RSRC1: variants seen among roughly 807,000 people sequenced by gnomAD.
The protein encoded by RSRC1 is serine/Arginine-related protein 53.
Under a neutral mutation model 49.1 loss-of-function variants are expected in RSRC1, and 39 were observed. That is an observed-to-expected ratio of 0.79 (90% CI 0.61 to 1.04). RSRC1 has a LOEUF of 1.04. Ranked by LOEUF, RSRC1 falls within the 50% of genes least tolerant of loss-of-function variation. The probability of loss-of-function intolerance (pLI) is 0.00; values close to 1 mark genes in which losing one functional copy is unlikely to be tolerated. For synonymous variants in RSRC1, 143 were observed against 130.8 expected, an observed-to-expected ratio of 1.09 and a Z score of -0.63; for missense variants, 388 against 402.4, an observed-to-expected ratio of 0.96 and a Z score of 0.31.
chr3:158,344,144 A>G (rs1344056374), intron 5 of RSRC1, among the ~76,000 whole-genome samples: 8 of 152,198 alleles, frequency 5.3e-5, no homozygotes, highest in Admixed American at 5.2e-4. Flanking sequence ...CTGTAATCCT[A>G]GCTACTTGGA....
At chr3:158,229,144 A>ACG (rs1722751488) in intron 4 of RSRC1, among the ~76,000 whole-genome samples, 2 of 148,564 alleles carry the variant, frequency 1.3e-5, no homozygotes, top group African/African-American at 2.5e-5. Context: ...GTATATAAAC[A>ACG]TACATACGTG....
chr3:158,408,092 G>T (rs144233166), intron 6 of RSRC1, among the ~76,000 whole-genome samples: 1 of 152,158 alleles, frequency 6.6e-6, no homozygotes, highest in Non-Finnish European at 1.5e-5. Context: ...GTCAGGGAAT[G>T]ATATACAGTG....
intron 4 of RSRC1, among the ~76,000 whole-genome samples, chr3:158,272,023 CAT>C (rs2108056773): frequency 6.6e-6 from 1 of 152,180 alleles, no homozygotes; most frequent in Non-Finnish European, 1.5e-5. Context: ...GCACTTTTCT[CAT>C]ATGCCAATTT....
chr3:158,289,806 G>A (rs1285594063), intron 4 of RSRC1, among the ~76,000 whole-genome samples: 1 of 152,086 alleles, frequency 6.6e-6, no homozygotes, highest in African/African-American at 2.4e-5. Context: ...AATTATTTTT[G>A]CTTGCTTTTC....
chr3:158,375,877 G>A (rs55964653), intron 6 of RSRC1, among the ~76,000 whole-genome samples: 65,202 of 151,872 alleles, frequency 0.43, 14,844 homozygotes, highest in South Asian at 0.6. Context: ...TTTAATGAGC[G>A]TCTTTCATAT....
At chr3:158,269,211 G>A (rs1261092574) in intron 4 of RSRC1, among the ~76,000 whole-genome samples, 2 of 151,764 alleles carry the variant, frequency 1.3e-5, no homozygotes, top group Non-Finnish European at 2.9e-5. Flanking sequence ...TGGTTTTTAG[G>A]ACCTCTTCAT....
At chr3:158,170,636 C>A (rs978617727) in intron 3 of RSRC1, among the ~76,000 whole-genome samples, 1 of 152,094 alleles carries the variant, frequency 6.6e-6, no homozygotes, top group Non-Finnish European at 1.5e-5. Context: ...CTTTGCTGTC[C>A]TGGATTTGAC....
intron 5 of RSRC1, among the ~76,000 whole-genome samples, chr3:158,354,289 G>A (rs1731044147): frequency 1.3e-5 from 2 of 152,010 alleles, no homozygotes; most frequent in Non-Finnish European, 2.9e-5. Context: ...GCGTCCGGCT[G>A]GAAATTAGTT....
chr3:158,509,475 C>T (rs1009948842), intron 7 of RSRC1, among the ~76,000 whole-genome samples: 5 of 152,090 alleles, frequency 3.3e-5, no homozygotes, highest in Non-Finnish European at 7.4e-5. Flanking sequence ...TTCACCACAT[C>T]TGTATATATT....
intron 6 of RSRC1, among the ~76,000 whole-genome samples, chr3:158,443,768 G>A (rs1736515881): frequency 6.6e-6 from 1 of 152,134 alleles, no homozygotes; most frequent in Admixed American, 6.6e-5. Context: ...CTTTTGACAT[G>A]CGTTCTCACT....
At chr3:158,525,850 G>C (rs1399372470) in intron 7 of RSRC1, among the ~76,000 whole-genome samples, 1 of 151,908 alleles carries the variant, frequency 6.6e-6, no homozygotes, top group Non-Finnish European at 1.5e-5. Context: ...TAAAGTGGCA[G>C]GAAGCAGATC....
chr3:158,336,470 T>C (rs77260347), intron 5 of RSRC1: 2,924 of 160,600 alleles, frequency 0.018, 77 homozygotes, highest in African/African-American at 0.067. Flanking sequence ...AGACCACACA[T>C]TGGGGTCATT....
chr3:158,540,452 C>A lies in RSRC1; in HGVS notation c.760-2883C>A, dbSNP rs1020445446. On this transcript the variant is annotated intron_variant, in intron 8 of 9. Coordinates refer to ENST00000611884, the MANE Select transcript of RSRC1 (RefSeq NM_001271838.2). ...AAGAATTCCTAAACATACATGACTG[C>A]CCAGATATCTATCCCTCAGATATCT... 2.6e-5 allele frequency among the ~76,000 whole-genome samples: 4 copies of A among 152,044 alleles called. No individual in the cohort carries two copies. The East Asian group carries it at 7.7e-4, about 29-fold the overall frequency.
intron 7 of RSRC1, among the ~76,000 whole-genome samples, chr3:158,502,757 C>G (rs1483101909): frequency 6.6e-6 from 1 of 151,916 alleles, no homozygotes; most frequent in Admixed American, 6.6e-5. Flanking sequence ...ATATTTCTCC[C>G]TTCGTTTCTT....
intron 2 of RSRC1, among the ~76,000 whole-genome samples, chr3:158,123,261 C>T (rs898591527): frequency 1.3e-5 from 2 of 152,202 alleles, no homozygotes; most frequent in Non-Finnish European, 2.9e-5. Context: ...CCCTCCTCAG[C>T]CTCCCAAAAT....
Position 158,544,517 on chromosome 3 carries a change from C to A in RSRC1, c.*242C>A, listed in dbSNP as rs1182531477. On this transcript the variant is annotated 3_prime_UTR_variant, in exon 10 of 10. Transcript: ENST00000611884. Reference sequence around the variant, plus strand: ...ATGTTATACTGTTAATAAAGCTAAACATAAATAAGTCTGTTAAAATGAATG... The same window carrying A: ...ATGTTATACTGTTAATAAAGCTAAAAATAAATAAGTCTGTTAAAATGAATG... 1 of 277,240 alleles carries A rather than the reference C, an allele frequency of 3.6e-6. No homozygotes were observed. The highest frequency in any genetic ancestry group is 6.7e-6 in the Non-Finnish European group (1 of 149,008). The allele number at this position is 277,240 out of a possible 1,614,324, so 17.2% of individuals were successfully genotyped here.
At chr3:158,166,185 TTAAA>T (rs1289967108) in intron 3 of RSRC1, among the ~76,000 whole-genome samples, 3 of 152,214 alleles carry the variant, frequency 2.0e-5, no homozygotes, top group Non-Finnish European at 2.9e-5. Context: ...TAAAAGTTTC[TTAAA>T]TAAGTATATT....
chr3:158,264,451 G>A (rs750424411), intron 4 of RSRC1, among the ~76,000 whole-genome samples: 2 of 152,074 alleles, frequency 1.3e-5, no homozygotes, highest in Non-Finnish European at 2.9e-5. Context: ...GCTCTATTTT[G>A]ATGAATGGTT....
At chr3:158,257,100 C>G (rs1268178028) in intron 4 of RSRC1, among the ~76,000 whole-genome samples, 2 of 152,026 alleles carry the variant, frequency 1.3e-5, no homozygotes, top group East Asian at 1.9e-4. Flanking sequence ...TTAGTTATTT[C>G]TTGCCTTCTG....
Sources: gnomAD v4.1 joint callset for allele counts (sites outside exome capture counted in the v4.1 genomes callset) on GRCh38, gnomAD v4.1.1 for gene constraint, MANE v1.5 for transcripts, NCBI Gene and HGNC (gene_info 2026-07-23, HGNC 2026-07-21) for gene names.